The following CAMK4 variants were observed in gnomAD, a reference collection of about 807,000 sequenced individuals.
The protein encoded by CAMK4 is calcium/calmodulin-dependent protein kinase type IV.
CAMK4 carries 22 observed loss-of-function variants against 44.9 expected under a neutral mutation model. The ratio of observed to expected loss-of-function variants is 0.49; its 90% CI spans 0.35 to 0.70. The LOEUF is 0.70. Among genes scored for constraint, CAMK4 ranks in the 30% least tolerant of loss-of-function variants. The pLI is 0.01. For missense variants in CAMK4, 498 were observed against 586.8 expected (o/e 0.85, Z 1.56); for synonymous variants, 218 against 215.4 (o/e 1.01, Z -0.11).
At chr5:111,470,680 A>G (rs1006139520) in intron 7 of CAMK4, among the ~76,000 whole-genome samples, 3 of 152,202 alleles carry the variant, frequency 2.0e-5, no homozygotes, top group Non-Finnish European at 4.4e-5. Context: ...TAGAAATTTT[A>G]AGATAAAGAA....
intron 2 of CAMK4, among the ~76,000 whole-genome samples, chr5:111,361,578 A>G (rs1435703660): frequency 6.6e-6 from 1 of 152,072 alleles, no homozygotes; most frequent in Non-Finnish European, 1.5e-5. Context: ...GGAGTATATT[A>G]CACCTCTGTC....
intron 1 of CAMK4, among the ~76,000 whole-genome samples, chr5:111,264,093 A>T (rs447021): frequency 6.6e-6 from 1 of 152,212 alleles, no homozygotes; most frequent in Non-Finnish European, 1.5e-5. Context: ...CCAATTTTTG[A>T]ATGACTGGCT....
At chr5:111,242,089 C>T (rs543456523) in intron 1 of CAMK4, among the ~76,000 whole-genome samples, 8 of 152,282 alleles carry the variant, frequency 5.3e-5, no homozygotes, top group African/African-American at 1.9e-4. Context: ...TCCACTCACC[C>T]CCAAACAACA....
At chr5:111,388,959 C>A (rs1048681649) in intron 4 of CAMK4, among the ~76,000 whole-genome samples, 2 of 152,176 alleles carry the variant, frequency 1.3e-5, no homozygotes, top group Non-Finnish European at 2.9e-5. Flanking sequence ...TCCATCAAGC[C>A]AGGCCCTAGA....
At chr5:111,250,614 A>AT (rs1378231990) in intron 1 of CAMK4, among the ~76,000 whole-genome samples, 21 of 151,886 alleles carry the variant, frequency 1.4e-4, no homozygotes, top group Non-Finnish European at 1.9e-4. Context: ...TGTAGTATCC[A>AT]TTTTTCTTTC....
rs1001466851 is a variant in CAMK4 at position 111,492,453 on chromosome 5, G to C, written c.*7987G>C. 5 of 152,184 alleles carry C rather than the reference G, an allele frequency of 3.3e-5. No homozygotes were observed. The highest frequency in any genetic ancestry group is 2.9e-5 in the Non-Finnish European group (2 of 68,036). The allele number at this position is 152,184 out of a possible 1,614,324, so 9.4% of individuals were successfully genotyped here. On this transcript the variant is annotated 3_prime_UTR_variant, in exon 11 of 11. Coordinates refer to ENST00000282356, the MANE Select transcript of CAMK4 (RefSeq NM_001744.6). ...GCAGAGACTTTACTGGAATGAGTGA[G>C]GGGAAAGATAACAAAATGTAGATTA...
intron 1 of CAMK4, among the ~76,000 whole-genome samples, chr5:111,320,511 C>T (rs898175200): frequency 2.0e-5 from 3 of 148,268 alleles, no homozygotes; most frequent in Admixed American, 1.3e-4. Context: ...TTTGTTTGTT[C>T]GTTTGTTTGC....
chr5:111,351,282 A>C (rs564147146), intron 2 of CAMK4, among the ~76,000 whole-genome samples: 34 of 152,270 alleles, frequency 2.2e-4, no homozygotes, highest in African/African-American at 7.7e-4. Context: ...TAACTGGCCA[A>C]GTGATGAGCA....
intron 8 of CAMK4, among the ~76,000 whole-genome samples, chr5:111,474,294 A>T (rs1231402556): frequency 8.5e-5 from 13 of 152,200 alleles, no homozygotes; most frequent in Admixed American, 8.5e-4. Context: ...TAAATAACAG[A>T]AAGTTATTTT....
intron 7 of CAMK4, among the ~76,000 whole-genome samples, chr5:111,450,294 A>G (rs899028554): frequency 2.0e-5 from 3 of 152,210 alleles, no homozygotes; most frequent in Non-Finnish European, 4.4e-5. Context: ...AGATCGCACC[A>G]CTGCACTACA....
At chr5:111,419,065 TA>T (rs1194751004) in intron 5 of CAMK4, among the ~76,000 whole-genome samples, 9 of 152,276 alleles carry the variant, frequency 5.9e-5, no homozygotes, top group African/African-American at 2.2e-4. Flanking sequence ...ACCAACAGTG[TA>T]AAAATGTTCC....
At chr5:111,400,590 C>T (rs1752188010) in intron 5 of CAMK4, among the ~76,000 whole-genome samples, 1 of 151,916 alleles carries the variant, frequency 6.6e-6, no homozygotes, top group African/African-American at 2.4e-5. Flanking sequence ...TCTTGCCCCA[C>T]ATATTTTACA....
chr5:111,323,461 T>C (rs962048258), intron 1 of CAMK4, among the ~76,000 whole-genome samples: 8 of 152,128 alleles, frequency 5.3e-5, no homozygotes, highest in East Asian at 1.9e-4. Flanking sequence ...TTTCCACTTA[T>C]GATATTTTCG....
intron 7 of CAMK4, among the ~76,000 whole-genome samples, chr5:111,462,471 T>C (rs79549124): frequency 0.011 from 1,717 of 152,318 alleles, 37 homozygotes; most frequent in African/African-American, 0.039. Context: ...CAGCAGGTGC[T>C]TAATAAATAT....
intron 5 of CAMK4, among the ~76,000 whole-genome samples, chr5:111,395,228 G>GAAAAAAAAAAAAAAAAAAAAAA (rs758613011): frequency 2.6e-5 from 3 of 114,888 alleles, no homozygotes; most frequent in Admixed American, 1.0e-4. Context: ...AAAAAAAAAA[G>GAAAAAAAAAAAAAAAAAAAAAA]AAAAAAAAAA....
chr5:111,356,720 A>G (rs934053647), intron 2 of CAMK4, among the ~76,000 whole-genome samples: 4 of 152,152 alleles, frequency 2.6e-5, no homozygotes, highest in Non-Finnish European at 4.4e-5. Context: ...CTTTCTACAT[A>G]TGGCTAGCCA....
At chr5:111,424,633 G>A (rs1364949710) in intron 5 of CAMK4, among the ~76,000 whole-genome samples, 1 of 151,486 alleles carries the variant, frequency 6.6e-6, no homozygotes, top group Admixed American at 6.6e-5. Context: ...ATTTTTAGTA[G>A]AGATGGGGTT....
intron 1 of CAMK4, among the ~76,000 whole-genome samples, chr5:111,235,192 C>CT (rs1748659336): frequency 6.6e-6 from 1 of 152,174 alleles, no homozygotes; most frequent in Admixed American, 6.5e-5. Context: ...ACTTAGGACT[C>CT]TAACAGACAC....
intron 4 of CAMK4, among the ~76,000 whole-genome samples, chr5:111,392,466 C>A (rs555223425): frequency 1.4e-4 from 22 of 152,044 alleles, no homozygotes; most frequent in Non-Finnish European, 3.1e-4. Flanking sequence ...GAACACAAAT[C>A]CAAAAAATCC....
Sources: gnomAD v4.1 joint callset for allele counts (sites outside exome capture counted in the v4.1 genomes callset) on GRCh38, gnomAD v4.1.1 for gene constraint, MANE v1.5 for transcripts, NCBI Gene and HGNC (gene_info 2026-07-23, HGNC 2026-07-21) for gene names.